COG2: variants seen among roughly 807,000 people sequenced by gnomAD.
COG2 encodes the protein component of oligomeric golgi complex 2, also known as conserved oligomeric Golgi complex subunit 2.
COG2 carries 52 observed loss-of-function variants against 90.6 expected under a neutral mutation model. The observed-to-expected ratio is 0.57, with a 90% confidence interval of 0.46 to 0.72. The LOEUF (loss-of-function observed/expected upper bound fraction) is 0.72. Among genes scored for constraint, COG2 ranks in the 30% least tolerant of loss-of-function variants. COG2 has a pLI of 0.00. For synonymous variants in COG2, 337 were observed against 320.4 expected, an observed-to-expected ratio of 1.05 and a Z score of -0.55; for missense variants, 829 against 891.2, an observed-to-expected ratio of 0.93 and a Z score of 0.89.
chr1:230,684,995 TTGAATCG>T, intron 11 of COG2, 83 bp from the exon 12 acceptor site: 1 of 1,460,424 alleles, frequency 6.8e-7, no homozygotes, highest in Admixed American at 1.9e-5. Flanking sequence ...TTCTTTACCT[TTGAATCG>T]TACATCGGAA....
chr1:230,658,090 C>T (rs1450289410), intron 1 of COG2, among the ~76,000 whole-genome samples: 4 of 147,882 alleles, frequency 2.7e-5, no homozygotes, highest in African/African-American at 4.8e-5. Context: ...ACTCATTCTC[C>T]GTCCAGTTTT....
intron 1 of COG2, among the ~76,000 whole-genome samples, chr1:230,650,386 A>G (rs1661883802): frequency 6.6e-6 from 1 of 152,122 alleles, no homozygotes; most frequent in Admixed American, 6.6e-5. Context: ...ACTTTTTAAT[A>G]AAAGCTGTTC....
At chr1:230,646,862 G>A (rs1359617161) in intron 1 of COG2, among the ~76,000 whole-genome samples, 3 of 151,980 alleles carry the variant, frequency 2.0e-5, no homozygotes, top group African/African-American at 7.3e-5. Flanking sequence ...AATCCAACCT[G>A]TTACTAAGCC....
chr1:230,678,099 C>T, intron 9 of COG2: 1 of 985,272 alleles, frequency 1.0e-6, no homozygotes, highest in Non-Finnish European at 1.2e-6. Flanking sequence ...TGGATTGAGC[C>T]CCTTTTAATT....
At chr1:230,681,266 G>A (rs1426389429) in intron 10 of COG2, 3 of 152,200 alleles carry the variant, frequency 2.0e-5, no homozygotes, top group Non-Finnish European at 2.9e-5. Flanking sequence ...CTCTTTAAAT[G>A]CTAAAGCCTA....
chr1:230,690,237 TG>T, intron 16 of COG2, 84 bp downstream of exon 16: 1 of 1,211,316 alleles, frequency 8.3e-7, no homozygotes, highest in Non-Finnish European at 1.2e-6. Context: ...GCACTGCGTA[TG>T]GATAAGGCAG....
intron 1 of COG2, among the ~76,000 whole-genome samples, chr1:230,655,177 G>T (rs1291863759): frequency 6.6e-6 from 1 of 152,146 alleles, no homozygotes; most frequent in Non-Finnish European, 1.5e-5. Context: ...TCTTATGCCA[G>T]TTTTCAAAGG....
At chr1:230,659,678 C>A in intron 2 of COG2, 53 bp downstream of exon 2, 1 of 1,546,354 alleles carries the variant, frequency 6.5e-7, no homozygotes, top group South Asian at 1.2e-5. Flanking sequence ...CTTTCTCACT[C>A]ATACTTATTC....
At chr1:230,689,789 G>C (rs933335985) in intron 15 of COG2, among the ~76,000 whole-genome samples, 3 of 152,226 alleles carry the variant, frequency 2.0e-5, no homozygotes, top group Admixed American at 1.3e-4. Context: ...CCTCAACCCA[G>C]TCTGGCTCCA....
At chr1:230,671,369 A>T in intron 7 of COG2, 147 bp from the exon 8 acceptor site, 1 of 618,540 alleles carries the variant, frequency 1.6e-6, no homozygotes, top group East Asian at 3.2e-5. Flanking sequence ...CCTGTTATTT[A>T]CTTCACTGTT....
At chr1:230,676,029 A>G (rs1449280342) in intron 9 of COG2, among the ~76,000 whole-genome samples, 8 of 152,226 alleles carry the variant, frequency 5.3e-5, no homozygotes, top group Admixed American at 2.6e-4. Flanking sequence ...TCAAAAATCA[A>G]TGTGTAAGTT....
Position 230,653,148 on chromosome 1 carries a change from G to A in COG2, c.73-6316G>A, listed in dbSNP as rs74898371. Among the ~76,000 whole-genome samples the A allele has an allele frequency of 7.9e-5, 12 of 151,576 alleles. No individual in the cohort carries two copies. In the East Asian group the frequency reaches 1.4e-3, roughly 17 times the overall value. On this transcript the variant is annotated intron_variant, in intron 1 of 17. Transcript: ENST00000366669. ...TATATCATTTGACATTACTCCCAAC[G>A]CCAATCCCCATTCTCCAGCACCTAG...
intron 1 of COG2, among the ~76,000 whole-genome samples, chr1:230,645,952 G>A (rs1661764416): frequency 1.3e-5 from 2 of 152,218 alleles, no homozygotes; most frequent in African/African-American, 2.4e-5. Context: ...TCCTCCTGCT[G>A]GGCCACCCGG....
chr1:230,671,323 G>C (rs968483613), intron 7 of COG2, 193 bp from the exon 8 acceptor site: 1 of 460,010 alleles, frequency 2.2e-6, no homozygotes, highest in African/African-American at 2.0e-5. Context: ...AGTTGTATCT[G>C]TACAGCCTAA....
intron 16 of COG2, among the ~76,000 whole-genome samples, chr1:230,691,032 C>T (rs1295788595): frequency 1.3e-5 from 2 of 152,042 alleles, no homozygotes; most frequent in Admixed American, 1.3e-4. Flanking sequence ...CAGATGTCCA[C>T]CCTCGATACA....
chr1:230,665,589 A>C (rs1662299921), intron 5 of COG2, among the ~76,000 whole-genome samples: 1 of 152,222 alleles, frequency 6.6e-6, no homozygotes, highest in Non-Finnish European at 1.5e-5. Flanking sequence ...ATAGATGAGG[A>C]GATGAGGCAT....
rs748470521 is a variant in COG2, at chr1:230,659,531, A to G, written c.140A>G (p.Asp47Gly). The G allele has an allele frequency of 5.6e-6, 9 of 1,613,780 alleles. No homozygotes were observed. The highest frequency in any genetic ancestry group is 7.6e-6 in the Non-Finnish European group (9 of 1,179,790). Residue 47 changes from aspartate (D) to glycine (G), a missense_variant, in exon 2 of 18, where the codon GAT (aspartate) becomes GGT (glycine). Transcript: ENST00000366669. ...CGGGTCCAGCTGGAAGAACTGAGAG[A>G]TGACCTGGAGCTCTACTATAAACTT... Reference protein sequence around the residue: ...RKRVQLEELRDDLELYYKLLK... With the variant: ...RKRVQLEELRGDLELYYKLLK...
At chr1:230,668,599 A>T in intron 5 of COG2, 77 bp from the exon 6 acceptor site, 1 of 837,458 alleles carries the variant, frequency 1.2e-6, no homozygotes, top group African/African-American at 1.7e-5. Context: ...AAAGTCTCTC[A>T]CTGCCAGGCG....
chr1:230,676,430 T>C (rs1281623209), intron 9 of COG2, among the ~76,000 whole-genome samples: 2 of 152,224 alleles, frequency 1.3e-5, no homozygotes, highest in East Asian at 1.9e-4. Flanking sequence ...AGTTGATTTA[T>C]GTTCTCGAGC....
Sources: gnomAD v4.1 joint callset for allele counts (sites outside exome capture counted in the v4.1 genomes callset) on GRCh38, gnomAD v4.1.1 for gene constraint, MANE v1.5 for transcripts, NCBI Gene and HGNC (gene_info 2026-07-23, HGNC 2026-07-21) for gene names.